Variants in MAPK10 observed in about 807,000 individuals in gnomAD.
MAPK10 encodes the protein JNK3 alpha protein kinase.
In MAPK10, 25 loss-of-function variants were observed where a neutral mutation model predicts 59.3. That is an observed-to-expected ratio of 0.42 (90% CI 0.31 to 0.59). The LOEUF is 0.59. Ranked by LOEUF, MAPK10 falls within the 20% of genes least tolerant of loss-of-function variation. MAPK10 has a pLI of 0.15. For synonymous variants in MAPK10, 190 were observed against 200.5 expected, an observed-to-expected ratio of 0.95 and a Z score of 0.44; for missense variants, 351 against 568.9, an observed-to-expected ratio of 0.62 and a Z score of 3.90.
At chr4:86,207,939 G>C (rs1413933101) in intron 2 of MAPK10, among the ~76,000 whole-genome samples, 1 of 152,090 alleles carries the variant, frequency 6.6e-6, no homozygotes, top group Non-Finnish European at 1.5e-5. Context: ...AGCTTAAGGA[G>C]ATTTTGGGCT....
intron 10 of MAPK10, 119 bp from the exon 11 acceptor site, chr4:86,064,509 A>G: frequency 2.2e-6 from 2 of 917,262 alleles, no homozygotes; most frequent in South Asian, 3.2e-5. Context: ...AACATCAGGT[A>G]AATCCCTTGA....
chr4:86,019,670 T>G (rs1387954626), intron 13 of MAPK10, among the ~76,000 whole-genome samples: 1 of 152,226 alleles, frequency 6.6e-6, no homozygotes, highest in Admixed American at 6.5e-5. Context: ...TGCTAATAAT[T>G]TAGTGTCACT....
chr4:86,088,650 C>CT (rs1271779820), intron 9 of MAPK10, among the ~76,000 whole-genome samples: 1 of 152,060 alleles, frequency 6.6e-6, no homozygotes, highest in Non-Finnish European at 1.5e-5. Flanking sequence ...GGAATTAGAG[C>CT]TATTATTCCC....
At chr4:86,105,656 T>A (rs2056406873) in intron 5 of MAPK10, among the ~76,000 whole-genome samples, 1 of 152,144 alleles carries the variant, frequency 6.6e-6, no homozygotes. Flanking sequence ...CAGAATATAT[T>A]GCATTGATCA....
chr4:86,513,184 A>ACTACAGGCACATACCACTATG (rs1472076065), intron 1 of MAPK10, among the ~76,000 whole-genome samples: 6 of 152,114 alleles, frequency 3.9e-5, no homozygotes, highest in Admixed American at 2.0e-4. Flanking sequence ...AGTAGCTAGA[A>ACTACAGGCACATACCACTATG]CTACAGGCAC....
chr4:86,547,343 G>A (rs934601975), intron 1 of MAPK10, among the ~76,000 whole-genome samples: 1 of 152,234 alleles, frequency 6.6e-6, no homozygotes, highest in African/African-American at 2.4e-5. Context: ...GGGGAACCAG[G>A]ACTGCGCGAG....
intron 2 of MAPK10, among the ~76,000 whole-genome samples, chr4:86,257,500 A>G (rs2093796961): frequency 6.6e-6 from 1 of 151,744 alleles, no homozygotes; most frequent in Admixed American, 6.6e-5. Flanking sequence ...TTTTTCTTCT[A>G]TTTTTTATCT....
chr4:86,129,923 C>G (rs2060708326), intron 4 of MAPK10, among the ~76,000 whole-genome samples: 1 of 152,120 alleles, frequency 6.6e-6, no homozygotes, highest in South Asian at 2.1e-4. Context: ...TTAAAAATTA[C>G]AAAAATTCTC....
intron 1 of MAPK10, among the ~76,000 whole-genome samples, chr4:86,379,916 G>T (rs1740429405): frequency 6.6e-6 from 1 of 152,028 alleles, no homozygotes; most frequent in Non-Finnish European, 1.5e-5. Context: ...GACCGAGCTG[G>T]TCTTGCACTT....
chr4:86,013,751 A>G lies in MAPK10; in HGVS notation c.*3477T>C, dbSNP rs1424416153. 6.6e-6 allele frequency: 1 copy of G among 152,200 alleles called. No individual in the cohort carries two copies. The highest frequency in any genetic ancestry group is 2.4e-5 in the African/African-American group (1 of 41,458). The allele number at this position is 152,200 out of a possible 1,614,324, so 9.4% of individuals were successfully genotyped here. ...TTTCTGATAACAGATTGAAAAAACT[A>G]TCGAGCTTCTTAACCCTCAATTAAA... is the stretch of plus-strand genomic sequence containing the variant. On this transcript the variant is annotated 3_prime_UTR_variant, in exon 14 of 14. Coordinates refer to ENST00000641462, the MANE Select transcript of MAPK10 (RefSeq NM_138982.4).
At chr4:86,526,484 C>A (rs1404784436) in intron 1 of MAPK10, among the ~76,000 whole-genome samples, 1 of 152,048 alleles carries the variant, frequency 6.6e-6, no homozygotes, top group Admixed American at 6.6e-5. Context: ...AATTAGTGGT[C>A]TATTGATTCT....
intron 2 of MAPK10, among the ~76,000 whole-genome samples, chr4:86,259,624 A>C (rs1348983507): frequency 6.6e-6 from 1 of 152,134 alleles, no homozygotes; most frequent in Non-Finnish European, 1.5e-5. Context: ...GATCAAAGAA[A>C]GCCTTGCTTT....
At chr4:86,179,256 T>A (rs1224968569) in intron 3 of MAPK10, among the ~76,000 whole-genome samples, 1 of 151,818 alleles carries the variant, frequency 6.6e-6, no homozygotes, top group Non-Finnish European at 1.5e-5. Context: ...CAATTCCATT[T>A]ACAATAGTAC....
chr4:86,255,337 A>C (rs2093660713), intron 2 of MAPK10, among the ~76,000 whole-genome samples: 1 of 152,196 alleles, frequency 6.6e-6, no homozygotes, highest in Non-Finnish European at 1.5e-5. Flanking sequence ...CATGAACGGA[A>C]TTTGATATGA....
intron 1 of MAPK10, among the ~76,000 whole-genome samples, chr4:86,519,698 G>A (rs1756972119): frequency 1.3e-5 from 2 of 152,132 alleles, no homozygotes; most frequent in South Asian, 4.1e-4. Flanking sequence ...GTGTGTTATT[G>A]TTTTGTACGT....
At chr4:86,457,820 A>G (rs998427372), upstream of MAPK10, 2 of 152,176 alleles carry the variant, frequency 1.3e-5, no homozygotes, top group African/African-American at 2.4e-5. Context: ...CCTAAAATCC[A>G]TACGGAACCA....
intron 2 of MAPK10, among the ~76,000 whole-genome samples, chr4:86,202,572 G>A (rs2082878102): frequency 6.6e-6 from 1 of 151,724 alleles, no homozygotes; most frequent in African/African-American, 2.4e-5. Flanking sequence ...GTGAATTTGC[G>A]ATACATTTGA....
chr4:86,136,230 T>C (rs578247631), intron 4 of MAPK10, among the ~76,000 whole-genome samples: 1 of 151,950 alleles, frequency 6.6e-6, no homozygotes, highest in South Asian at 2.1e-4. Context: ...AAACACATAA[T>C]TGTCAGATTC....
rs746483189 is a variant in MAPK10 at position 86,348,895 on chromosome 4, A to G, written c.-7+5635T>C. ...ATTTCTCTTCTCCGGGCAAAACACT[A>G]TAATTTTTCTTGACTGTCCACCACA... On this transcript the variant is annotated intron_variant, in intron 2 of 13. Coordinates refer to ENST00000641462, the MANE Select transcript of MAPK10 (RefSeq NM_138982.4). 5.9e-5 allele frequency among the ~76,000 whole-genome samples: 9 copies of G among 152,234 alleles called. No homozygotes were observed. In the South Asian group the frequency reaches 1.0e-3, roughly 18 times the overall value.
Sources: gnomAD v4.1 joint callset for allele counts (sites outside exome capture counted in the v4.1 genomes callset) on GRCh38, gnomAD v4.1.1 for gene constraint, MANE v1.5 for transcripts, NCBI Gene and HGNC (gene_info 2026-07-23, HGNC 2026-07-21) for gene names.